Variants in DMD observed in about 807,000 individuals in gnomAD.
The protein encoded by DMD is mutant dystrophin.
DMD carries 63 observed loss-of-function variants against 330.1 expected under a neutral mutation model. The ratio of observed to expected loss-of-function variants is 0.19; its 90% CI spans 0.16 to 0.24. The LOEUF (loss-of-function observed/expected upper bound fraction) is 0.24. DMD is among the 10% of genes least tolerant of loss of function. The probability of loss-of-function intolerance (pLI) is 1.00; values close to 1 mark genes in which losing one functional copy is unlikely to be tolerated. For synonymous variants in DMD, 1,223 were observed against 959.8 expected, an observed-to-expected ratio of 1.27 and a Z score of -5.07; for missense variants, 3,344 against 2,684.1, an observed-to-expected ratio of 1.25 and a Z score of -5.43.
chrX:32,324,389 G>GA (rs1274127196), intron 41 of DMD, among the ~76,000 whole-genome samples: 2 of 108,390 alleles, frequency 1.8e-5, no homozygotes, highest in Non-Finnish European at 3.9e-5. Flanking sequence ...TGGTGATTTA[G>GA]AAAACCATTT....
intron 7 of DMD, among the ~76,000 whole-genome samples, chrX:32,763,961 A>T (rs1400504644): frequency 8.9e-6 from 1 of 111,787 alleles, no homozygotes; most frequent in Non-Finnish European, 1.9e-5. Flanking sequence ...ACACAACAAC[A>T]GTATGCTATG....
intron 61 of DMD, among the ~76,000 whole-genome samples, chrX:31,340,433 G>C (rs1332934590): frequency 8.9e-6 from 1 of 112,376 alleles, no homozygotes; most frequent in Non-Finnish European, 1.9e-5. Context: ...GCTATTACCA[G>C]AAAATTTGTA....
intron 22 of DMD, among the ~76,000 whole-genome samples, chrX:32,471,690 C>T (rs1249000161): frequency 2.7e-5 from 3 of 111,476 alleles, no homozygotes; most frequent in Non-Finnish European, 5.6e-5. Flanking sequence ...AAGTTATATG[C>T]AAATATTACA....
rs149289237 is a variant in DMD at position 33,254,118 on chromosome X, A to C, written c.7+85141T>G. On this transcript the variant is annotated intron_variant, in intron 1 of 17. Coordinates refer to the DMD transcript ENST00000288447. ...CATTTTTGCATTTGAATATCTGAGA[A>C]TATGTTCCCGATATTCTTGCCAGTT... 3.0e-3 allele frequency among the ~76,000 whole-genome samples: 333 copies of C among 110,768 alleles called. 1 individual carries two copies. The highest frequency in any genetic ancestry group is 0.01 in the African/African-American group (314 of 30,715).
At chrX:32,742,880 T>C (rs1460296420) in intron 7 of DMD, among the ~76,000 whole-genome samples, 3 of 112,061 alleles carry the variant, frequency 2.7e-5, no homozygotes. Flanking sequence ...ATGTAGATAC[T>C]ATTATGATCC....
At chrX:32,112,769 T>C (rs1293649290) in intron 44 of DMD, among the ~76,000 whole-genome samples, 1 of 111,833 alleles carries the variant, frequency 8.9e-6, no homozygotes, top group East Asian at 2.8e-4. Context: ...TCATGCTTCA[T>C]ATTTATGGTC....
At chrX:32,568,043 T>G (rs1374698148) in intron 15 of DMD, among the ~76,000 whole-genome samples, 2 of 112,530 alleles carry the variant, frequency 1.8e-5, no homozygotes, top group Non-Finnish European at 3.7e-5. Flanking sequence ...TGTAATGATT[T>G]GGAAACATGT....
chrX:31,934,085 A>G (rs1345412575), intron 45 of DMD, among the ~76,000 whole-genome samples: 1 of 111,675 alleles, frequency 9.0e-6, no homozygotes, highest in Non-Finnish European at 1.9e-5. Context: ...TTCATAGTCA[A>G]TGAGAAGAAA....
intron 1 of DMD, among the ~76,000 whole-genome samples, chrX:33,181,805 G>C (rs890628496): frequency 9.0e-6 from 1 of 111,601 alleles, no homozygotes; most frequent in Non-Finnish European, 1.9e-5. Flanking sequence ...CTATGTGAAA[G>C]TCATTAAAAA....
At chrX:32,300,756 T>C (rs1302428281) in intron 42 of DMD, among the ~76,000 whole-genome samples, 1 of 111,136 alleles carries the variant, frequency 9.0e-6, no homozygotes, top group Non-Finnish European at 1.9e-5. Context: ...AGAGTCAGGA[T>C]ACGCTTTAGT....
chrX:32,441,125 A>G lies in DMD; in HGVS notation c.3921+55T>C, dbSNP rs1390745188. ...GGATTTGTCTTCTATTTGGTACTTG[A>G]CCTCTTTTAATACTGCATATAAATT... On this transcript the variant is annotated intron_variant, in intron 28 of 78. Coordinates refer to ENST00000357033, the MANE Select transcript of DMD (RefSeq NM_004006.3). 5.2e-6 allele frequency: 6 copies of G among 1,148,312 alleles called. No individual in the cohort carries two copies. The Admixed American group carries it at 1.1e-4, about 21-fold the overall frequency. The allele number at this position is 1,148,312 out of a possible 1,213,427, so 94.6% of individuals were successfully genotyped here. A position where few individuals can be genotyped will look rare whatever the true frequency, so the allele number is the denominator to read the frequency against.
At chrX:32,680,740 G>C (rs752629569) in intron 9 of DMD, among the ~76,000 whole-genome samples, 1 of 110,495 alleles carries the variant, frequency 9.1e-6, no homozygotes, top group Non-Finnish European at 1.9e-5. Flanking sequence ...ATTGTTTGCT[G>C]TCTCTCTCCC....
At chrX:33,048,804 G>A (rs2225013) in intron 1 of DMD, among the ~76,000 whole-genome samples, 53,329 of 107,417 alleles carry the variant, frequency 0.5, 10,304 homozygotes, top group Non-Finnish European at 0.59. Flanking sequence ...TCTTCATATG[G>A]CAAACTAAAG....
chrX:31,341,910 C>CACACACACGCATGT (rs1556527471), intron 61 of DMD, among the ~76,000 whole-genome samples: 1 of 110,576 alleles, frequency 9.0e-6, no homozygotes, highest in African/African-American at 3.3e-5. Flanking sequence ...CACACACACA[C>CACACACACGCATGT]ACACACACAC....
At chrX:32,347,823 T>C (rs772099222) in intron 38 of DMD, among the ~76,000 whole-genome samples, 2 of 111,691 alleles carry the variant, frequency 1.8e-5, no homozygotes, top group Non-Finnish European at 3.8e-5. Flanking sequence ...TTGAAATTAG[T>C]TGGGATTGAA....
intron 29 of DMD, among the ~76,000 whole-genome samples, chrX:32,413,587 C>T (rs779227446): frequency 9.0e-6 from 1 of 110,680 alleles, no homozygotes; most frequent in Non-Finnish European, 1.9e-5. Flanking sequence ...TCTTCACTGG[C>T]ATTTTACTCT....
intron 1 of DMD, among the ~76,000 whole-genome samples, chrX:33,115,716 T>C (rs2095378104): frequency 1.8e-5 from 2 of 108,736 alleles, no homozygotes; most frequent in South Asian, 4.1e-4. Flanking sequence ...TTTGTATCAC[T>C]GTGTTAGCCA....
At chrX:31,873,454 T>C (rs2093923140) in intron 48 of DMD, among the ~76,000 whole-genome samples, 2 of 112,029 alleles carry the variant, frequency 1.8e-5, no homozygotes, top group Non-Finnish European at 3.8e-5. Flanking sequence ...AACTTCCTTT[T>C]CCCTTTGCTC....
chrX:32,336,128 CAT>C (rs756666709), intron 41 of DMD, among the ~76,000 whole-genome samples: 1 of 108,739 alleles, frequency 9.2e-6, no homozygotes, highest in Non-Finnish European at 1.9e-5. Context: ...TTATATGTAA[CAT>C]GTGCATACGT....
Sources: gnomAD v4.1 joint callset for allele counts (sites outside exome capture counted in the v4.1 genomes callset) on GRCh38, gnomAD v4.1.1 for gene constraint, MANE v1.5 for transcripts, NCBI Gene and HGNC (gene_info 2026-07-23, HGNC 2026-07-21) for gene names.